UNC5C: variants seen among roughly 807,000 people sequenced by gnomAD.
UNC5C encodes netrin receptor UNC5C.
In UNC5C, 47 loss-of-function variants were observed where a neutral mutation model predicts 99.8. The observed-to-expected ratio is 0.47, with a 90% CI of 0.37 to 0.60. The LOEUF (loss-of-function observed/expected upper bound fraction) is 0.60. Among genes scored for constraint, UNC5C ranks in the 20% least tolerant of loss-of-function variants. UNC5C has a pLI of 0.00. For synonymous variants in UNC5C, 487 were observed against 452.2 expected (o/e 1.08, Z -0.98); for missense variants, 1,062 against 1,165.9 (o/e 0.91, Z 1.30).
chr4:95,169,378 G>T lies in UNC5C; in HGVS notation c.2652C>A (p.Thr884=), dbSNP rs754568647. The change falls in exon 16 of 16, where the codon ACC becomes ACA. Residue 884 remains threonine, a synonymous_variant. Transcript: ENST00000453304. The part of the protein sequence containing the change: ...NLDRYLNYFA[T]KSSPTGVILD... ...GGATTACGCCAGTTGGGCTGGATTT[G>T]GTGGCAAAGTAATTCAAGTACCTGT... 1 of 1,614,132 alleles carries T rather than the reference G, an allele frequency of 6.2e-7. No homozygotes were observed.
chr4:95,261,376 A>G (rs1407929624), intron 4 of UNC5C, among the ~76,000 whole-genome samples: 3 of 152,192 alleles, frequency 2.0e-5, no homozygotes, highest in Non-Finnish European at 4.4e-5. Context: ...GGCATCAGGA[A>G]AGCCTCCTTA....
chr4:95,293,583 G>T (rs1052971719), intron 3 of UNC5C, among the ~76,000 whole-genome samples: 1 of 152,068 alleles, frequency 6.6e-6, no homozygotes, highest in Non-Finnish European at 1.5e-5. Context: ...GCCTCCCAAG[G>T]TGCTGGGATT....
chr4:95,477,717 C>T (rs1425245778), intron 1 of UNC5C, among the ~76,000 whole-genome samples: 1 of 152,000 alleles, frequency 6.6e-6, no homozygotes. Flanking sequence ...CCTACATCCA[C>T]AATAATGATG....
chr4:95,398,044 C>CTTTTTTTTTTTTTTTTTT lies in UNC5C; in HGVS notation c.125-62431_125-62414dup, dbSNP rs34609153. ...CCCAATGAGAAGTAGCCAAATGTAG[C>CTTTTTTTTTTTTTTTTTT]TTTTTTTTTTTTTTTTTTTGCTTAT... is the stretch of plus-strand genomic sequence containing the variant. On this transcript the variant is annotated intron_variant, in intron 1 of 15. Transcript: ENST00000453304. Among the ~76,000 whole-genome samples the CTTTTTTTTTTTTTTTTTT allele has an allele frequency of 1.3e-3, 126 of 95,892 alleles. 14 individuals are homozygous for CTTTTTTTTTTTTTTTTTT. The highest frequency in any genetic ancestry group is 4.3e-3 in the African/African-American group (87 of 20,452). The allele number at this position is 95,892 out of a possible 152,430, so 62.9% of individuals were successfully genotyped here.
intron 1 of UNC5C, among the ~76,000 whole-genome samples, chr4:95,352,650 A>G (rs371066134): frequency 1.9e-4 from 29 of 152,220 alleles, no homozygotes; most frequent in African/African-American, 7.0e-4. Context: ...ACAGCTCCCC[A>G]ATCCAGACTA....
intron 1 of UNC5C, among the ~76,000 whole-genome samples, chr4:95,511,125 C>G (rs1048444518): frequency 1.3e-4 from 20 of 152,084 alleles, no homozygotes; most frequent in African/African-American, 4.8e-4. Context: ...AAGAGAAATG[C>G]CTTACAACCT....
intron 1 of UNC5C, among the ~76,000 whole-genome samples, chr4:95,376,354 A>G (rs17023654): frequency 0.15 from 22,316 of 152,038 alleles, 1,963 homozygotes; most frequent in South Asian, 0.23. Context: ...AGCAGGTTAT[A>G]TGATATTAGA....
At position 95,256,201 on chromosome 4, in the gene UNC5C, ATCCAGTCTCACACAGATGAC is replaced by A. The variant is rs142268406; in HGVS notation, c.595-5554_595-5535del. Among the ~76,000 whole-genome samples, 466 of 151,994 alleles carry A rather than the reference ATCCAGTCTCACACAGATGAC, an allele frequency of 3.1e-3. 9 individuals carry two copies. The highest frequency in any genetic ancestry group is 0.027 in the Admixed American group (412 of 15,262). On this transcript the variant is annotated intron_variant, in intron 4 of 15. Coordinates refer to ENST00000453304, the MANE Select transcript of UNC5C (RefSeq NM_003728.4). ...CCATATTCACTTCCTTGGTGAGCTC[ATCCAGTCTCACACAGATGAC>A]TCCTAAATTTATCTCCAGCCCAGAC...
intron 1 of UNC5C, among the ~76,000 whole-genome samples, chr4:95,521,866 A>G (rs1197601047): frequency 6.6e-6 from 1 of 152,230 alleles, no homozygotes; most frequent in Non-Finnish European, 1.5e-5. Flanking sequence ...AAAAGTAAAC[A>G]TAATTTTCTA....
intron 1 of UNC5C, among the ~76,000 whole-genome samples, chr4:95,342,047 G>A (rs1202876777): frequency 1.3e-5 from 2 of 152,142 alleles, no homozygotes; most frequent in Admixed American, 6.5e-5. Flanking sequence ...GCTAAGGGCT[G>A]TAAGGTCCTA....
chr4:95,172,299 C>G lies in UNC5C; in HGVS notation c.2452-1967G>C, dbSNP rs1419034957. On this transcript the variant is annotated intron_variant, in intron 14 of 15. Coordinates refer to ENST00000453304, the MANE Select transcript of UNC5C (RefSeq NM_003728.4). ...TTGCCATTGCTTTTGGTGTTTTAGA[C>G]ATGAAGTCCTTGCCCATGCCTATGT... 3.3e-5 allele frequency among the ~76,000 whole-genome samples: 5 copies of G among 151,496 alleles called. No individual in the cohort carries two copies. In the East Asian group the frequency reaches 9.7e-4, roughly 29 times the overall value.
intron 5 of UNC5C, chr4:95,248,225 C>G: frequency 9.0e-6 from 2 of 221,738 alleles, no homozygotes; most frequent in Non-Finnish European, 1.8e-5. Flanking sequence ...TTTTTTTTGG[C>G]TGGGCCTAAG....
At chr4:95,363,101 G>A (rs1210243887) in intron 1 of UNC5C, among the ~76,000 whole-genome samples, 1 of 152,118 alleles carries the variant, frequency 6.6e-6, no homozygotes, top group African/African-American at 2.4e-5. Flanking sequence ...ACTTGCACCA[G>A]CAAGTGTTTT....
intron 1 of UNC5C, among the ~76,000 whole-genome samples, chr4:95,473,980 T>C (rs1748054538): frequency 6.6e-6 from 1 of 152,138 alleles, no homozygotes; most frequent in Non-Finnish European, 1.5e-5. Context: ...CATGTTTTTC[T>C]TCAGCCTTCA....
chr4:95,510,590 C>A (rs1428136910), intron 1 of UNC5C, among the ~76,000 whole-genome samples: 2 of 151,942 alleles, frequency 1.3e-5, no homozygotes, highest in Non-Finnish European at 2.9e-5. Context: ...TAATACATTC[C>A]TTTAATGTTA....
At chr4:95,537,885 A>G (rs1722822225) in intron 1 of UNC5C, among the ~76,000 whole-genome samples, 2 of 152,166 alleles carry the variant, frequency 1.3e-5, no homozygotes, top group Non-Finnish European at 2.9e-5. Flanking sequence ...AAATACACTG[A>G]AAAACCAGAC....
intron 7 of UNC5C, among the ~76,000 whole-genome samples, chr4:95,224,692 G>A (rs535055693): frequency 6.6e-6 from 1 of 151,876 alleles, no homozygotes; most frequent in Non-Finnish European, 1.5e-5. Context: ...TGTAGACATG[G>A]GGATACTTTC....
intron 1 of UNC5C, among the ~76,000 whole-genome samples, chr4:95,499,915 T>G (rs1455969622): frequency 6.6e-6 from 1 of 152,048 alleles, no homozygotes; most frequent in Non-Finnish European, 1.5e-5. Flanking sequence ...AGGTTAACTG[T>G]CTATACATCC....
chr4:95,217,616 G>A (rs1738297494), intron 9 of UNC5C, among the ~76,000 whole-genome samples: 1 of 152,122 alleles, frequency 6.6e-6, no homozygotes, highest in Non-Finnish European at 1.5e-5. Context: ...TACATAGGAA[G>A]AATTTAAAAC....
Sources: gnomAD v4.1 joint callset for allele counts (sites outside exome capture counted in the v4.1 genomes callset) on GRCh38, gnomAD v4.1.1 for gene constraint, MANE v1.5 for transcripts, NCBI Gene and HGNC (gene_info 2026-07-23, HGNC 2026-07-21) for gene names.